STPG4: variants seen among roughly 807,000 people sequenced by gnomAD.
The protein encoded by STPG4 is protein STPG4.
A neutral mutation model predicts 31.5 loss-of-function variants in STPG4; 41 were observed. The ratio of observed to expected loss-of-function variants is 1.30; its 90% CI spans 1.01 to 1.69. The LOEUF is 1.69. Among genes scored for constraint, STPG4 ranks in the 40% most tolerant of loss-of-function variants. The pLI is 0.00. For synonymous variants in STPG4, 141 were observed against 103.0 expected (o/e 1.37, Z -2.24); for missense variants, 375 against 293.4 (o/e 1.28, Z -2.03).
chr2:47,100,763 C>T (rs1179538659), intron 5 of STPG4, among the ~76,000 whole-genome samples: 1 of 151,512 alleles, frequency 6.6e-6, no homozygotes, highest in East Asian at 1.9e-4. Context: ...AGACACGCCA[C>T]CTTAAGAGCT....
At chr2:47,129,861 C>A (rs1036378081) in intron 5 of STPG4, 80 bp downstream of exon 5, 18 of 1,568,846 alleles carry the variant, frequency 1.1e-5, no homozygotes, top group African/African-American at 4.1e-5. Context: ...TTCTATGTGG[C>A]CACCTTGCTC....
intron 5 of STPG4, among the ~76,000 whole-genome samples, chr2:47,093,814 G>C (rs183299253): frequency 1.3e-5 from 2 of 152,206 alleles, no homozygotes; most frequent in Non-Finnish European, 2.9e-5. Flanking sequence ...TGAGGAAGTG[G>C]ATATAAGCCC....
intron 5 of STPG4, among the ~76,000 whole-genome samples, chr2:47,102,611 C>A (rs1685823509): frequency 6.6e-6 from 1 of 151,794 alleles, no homozygotes; most frequent in Admixed American, 6.6e-5. Flanking sequence ...ACAGGAGGAC[C>A]CCTCAGCTTA....
chr2:47,087,809 C>T lies in STPG4; in HGVS notation c.625-679G>A, dbSNP rs190530746. Among the ~76,000 whole-genome samples the T allele has an allele frequency of 2.0e-3, 307 of 152,166 alleles. 3 individuals carry two copies. Among genetic ancestry groups the T allele is most frequent in the African/African-American group, 7.1e-3 (294 of 41,492 alleles). On this transcript the variant is annotated intron_variant, in intron 6 of 6. Transcript: ENST00000445927. ...TGTTGCTAGGCTGGAGTGTAGTGCG[C>T]GCTATCTCGGCTCACTGCAATCTCT... is the stretch of plus-strand genomic sequence containing the variant.
At chr2:47,127,372 G>C (rs1051531478) in intron 5 of STPG4, among the ~76,000 whole-genome samples, 2 of 145,050 alleles carry the variant, frequency 1.4e-5, no homozygotes, top group Non-Finnish European at 3.0e-5. Context: ...AGGTTCAAGC[G>C]ATTCTCATGC....
intron 5 of STPG4, among the ~76,000 whole-genome samples, chr2:47,112,923 T>C (rs562400446): frequency 7.2e-6 from 1 of 138,520 alleles, no homozygotes; most frequent in African/African-American, 2.8e-5. Context: ...GCCCGGGAGG[T>C]GGAGCCTGCA....
In STPG4 at chr2:47,088,640, C is replaced by G. The variant is rs1358211955; in HGVS notation, c.625-1510G>C. Among the ~76,000 whole-genome samples, 3 of 152,204 alleles carry G rather than the reference C, an allele frequency of 2.0e-5. No individual in the cohort carries two copies. In the East Asian group the frequency reaches 5.8e-4, roughly 29 times the overall value. On this transcript the variant is annotated intron_variant, in intron 6 of 6. Coordinates refer to ENST00000445927, the MANE Select transcript of STPG4 (RefSeq NM_001163561.2). ...CACTATTATTTTTTACTATTATCAC[C>G]TACTTGTCATTTCCACCCTGCCCTG... is the stretch of plus-strand genomic sequence containing the variant.
intron 5 of STPG4, chr2:47,108,757 T>C (rs1216264460): frequency 6.6e-6 from 1 of 152,362 alleles, no homozygotes; most frequent in Non-Finnish European, 1.5e-5. Context: ...ACACCGCACA[T>C]AGAGATGGGT....
At chr2:47,123,230 C>G (rs1344871072) in intron 5 of STPG4, among the ~76,000 whole-genome samples, 2 of 152,156 alleles carry the variant, frequency 1.3e-5, no homozygotes, top group Non-Finnish European at 2.9e-5. Context: ...TTTATCATAA[C>G]TCATGGTCAT....
intron 5 of STPG4, among the ~76,000 whole-genome samples, chr2:47,102,979 T>C (rs1012383452): frequency 1.3e-5 from 2 of 151,840 alleles, no homozygotes; most frequent in Non-Finnish European, 2.9e-5. Context: ...TGGCCTGTAA[T>C]GAAAAGAATG....
chr2:47,128,280 G>T (rs1478910895), intron 5 of STPG4, among the ~76,000 whole-genome samples: 1 of 152,162 alleles, frequency 6.6e-6, no homozygotes, highest in Non-Finnish European at 1.5e-5. Context: ...CCCTGGGACT[G>T]CACTGGGTCA....
At chr2:47,124,591 C>T (rs1686329942) in intron 5 of STPG4, among the ~76,000 whole-genome samples, 1 of 152,126 alleles carries the variant, frequency 6.6e-6, no homozygotes. Flanking sequence ...CATGTTATTG[C>T]AAATAGGAGG....
chr2:47,151,548 G>A (rs1416939142), intron 2 of STPG4, 33 bp from the exon 3 acceptor site: 5 of 1,594,452 alleles, frequency 3.1e-6, no homozygotes, highest in Non-Finnish European at 4.3e-6. Context: ...TTAAGATTGT[G>A]TAAACATGTA....
intron 5 of STPG4, chr2:47,108,904 TG>T (rs1211759338): frequency 6.6e-6 from 1 of 152,254 alleles, no homozygotes; most frequent in African/African-American, 2.4e-5. Flanking sequence ...GGTGCGGCCC[TG>T]GGGCAGCCAT....
Position 47,104,870 on chromosome 2 carries a change from G to A in STPG4, c.520-14496C>T, listed in dbSNP as rs1021407046. ...AAATATCTAGGCCGAATCTTAGCCA[G>A]AGGGGCCAGGGCCCTCAGCAAGGAA... is the stretch of plus-strand genomic sequence containing the variant. On this transcript the variant is annotated intron_variant, in intron 5 of 6. Transcript: ENST00000445927. Among the ~76,000 whole-genome samples, 3 of 151,810 alleles carry A rather than the reference G, an allele frequency of 2.0e-5. 1 individual carries two copies. The highest frequency in any genetic ancestry group is 4.9e-5 in the African/African-American group (2 of 41,088).
At chr2:47,090,478 T>C (rs760833706) in intron 5 of STPG4, 104 bp from the exon 6 acceptor site, 148 of 758,396 alleles carry the variant, frequency 2.0e-4, no homozygotes, top group Non-Finnish European at 2.9e-4. Context: ...TGTGATATAG[T>C]AGAAAAATCC....
At chr2:47,117,298 C>T (rs1686172013) in intron 5 of STPG4, among the ~76,000 whole-genome samples, 1 of 152,334 alleles carries the variant, frequency 6.6e-6, no homozygotes, top group South Asian at 2.1e-4. Flanking sequence ...CAACCTCCTC[C>T]TTCTGGGTTC....
At chr2:47,120,039 T>C (rs1049688676) in intron 5 of STPG4, among the ~76,000 whole-genome samples, 7 of 152,128 alleles carry the variant, frequency 4.6e-5, no homozygotes, top group Non-Finnish European at 7.4e-5. Context: ...GGTTTAAAAA[T>C]TGGGGGCCAG....
At chr2:47,121,876 G>GTGTA (rs1686278617) in intron 5 of STPG4, among the ~76,000 whole-genome samples, 8 of 151,386 alleles carry the variant, frequency 5.3e-5, no homozygotes, top group Admixed American at 5.3e-4. Flanking sequence ...GTGTGTGTGT[G>GTGTA]TGTGTGTGTG....
Sources: gnomAD v4.1 joint callset for allele counts (sites outside exome capture counted in the v4.1 genomes callset) on GRCh38, gnomAD v4.1.1 for gene constraint, MANE v1.5 for transcripts, NCBI Gene and HGNC (gene_info 2026-07-23, HGNC 2026-07-21) for gene names.